Variants in DIP2A observed in about 807,000 individuals in gnomAD.
DIP2A encodes DIP2 acetate--CoA ligase A.
DIP2A carries 85 observed loss-of-function variants against 177.4 expected under a neutral mutation model. That is an observed-to-expected ratio of 0.48 (90% CI 0.40 to 0.57). The LOEUF (loss-of-function observed/expected upper bound fraction) is 0.57. DIP2A is among the 20% of genes least tolerant of loss of function. The probability of loss-of-function intolerance (pLI) is 0.00; values close to 1 mark genes in which losing one functional copy is unlikely to be tolerated. For missense variants in DIP2A, 1,791 were observed against 2,100.2 expected (o/e 0.85, Z 2.88); for synonymous variants, 886 against 881.8 (o/e 1.00, Z -0.08).
chr21:46,472,891 C>A (rs1182529467), intron 1 of DIP2A, among the ~76,000 whole-genome samples: 1 of 152,192 alleles, frequency 6.6e-6, no homozygotes, highest in Non-Finnish European at 1.5e-5. Context: ...TTAGAACTTT[C>A]TGCTACGATG....
chr21:46,542,979 C>T (rs928604119), intron 18 of DIP2A, among the ~76,000 whole-genome samples: 1 of 152,244 alleles, frequency 6.6e-6, no homozygotes, highest in African/African-American at 2.4e-5. Context: ...GAGCCTGGGG[C>T]CAGCTGGTGC....
chr21:46,554,734 G>A, intron 27 of DIP2A, 38 bp downstream of exon 27: 3 of 1,551,248 alleles, frequency 1.9e-6, no homozygotes, highest in Non-Finnish European at 2.6e-6. Flanking sequence ...GTCTGTGAGT[G>A]GGAGGCTGCA....
At chr21:46,564,409 G>T (rs968879844) in intron 35 of DIP2A, among the ~76,000 whole-genome samples, 1 of 152,162 alleles carries the variant, frequency 6.6e-6, no homozygotes, top group Non-Finnish European at 1.5e-5. Context: ...GGAGGGTGCG[G>T]GTCTCCCTGA....
intron 8 of DIP2A, among the ~76,000 whole-genome samples, chr21:46,524,688 G>A (rs1218941243): frequency 6.6e-6 from 1 of 152,042 alleles, no homozygotes; most frequent in Non-Finnish European, 1.5e-5. Context: ...CAGAGCAGCT[G>A]CACCTTTTCT....
intron 8 of DIP2A, 58 bp from the exon 9 acceptor site, chr21:46,529,034 A>C: frequency 8.7e-7 from 1 of 1,155,736 alleles, no homozygotes; most frequent in South Asian, 1.6e-5. Flanking sequence ...TCTACATTAA[A>C]ATGTTAATTA....
intron 18 of DIP2A, among the ~76,000 whole-genome samples, chr21:46,543,275 A>C (rs931559002): frequency 6.6e-6 from 1 of 152,250 alleles, no homozygotes; most frequent in Admixed American, 6.5e-5. Flanking sequence ...GGGAAAATAC[A>C]GGTAAGTGTT....
intron 6 of DIP2A, 140 bp downstream of exon 6, chr21:46,504,629 G>T (rs2057877633): frequency 2.0e-6 from 2 of 1,016,976 alleles, no homozygotes; most frequent in African/African-American, 1.6e-5. Context: ...ATAGAAACCA[G>T]TGTGTGCAGT....
chr21:46,533,808 T>A (rs922281681), intron 11 of DIP2A, among the ~76,000 whole-genome samples, 161 bp downstream of exon 11: 3 of 152,254 alleles, frequency 2.0e-5, no homozygotes, highest in African/African-American at 4.8e-5. Flanking sequence ...TGGCTTCATG[T>A]CTCGACCTGT....
intron 26 of DIP2A, 134 bp downstream of exon 26, chr21:46,554,426 C>T (rs1418110662): frequency 3.9e-6 from 6 of 1,542,630 alleles, no homozygotes; most frequent in Non-Finnish European, 5.3e-6. Context: ...ATGTGTCTGC[C>T]TCCTCAGCTC....
chr21:46,539,134 C>G (rs1601743372), intron 16 of DIP2A: 1 of 101,244 alleles, frequency 9.9e-6, no homozygotes, highest in South Asian at 2.4e-4. Context: ...CACGTGAGCT[C>G]TGGGGCCCAG....
chr21:46,549,968 T>G (rs1236457667), intron 22 of DIP2A, 83 bp downstream of exon 22: 1 of 1,588,986 alleles, frequency 6.3e-7, no homozygotes, highest in Non-Finnish European at 8.5e-7. Flanking sequence ...AGTGGTTGGC[T>G]TGTCCCGCCC....
chr21:46,562,837 A>G (rs532840183), intron 34 of DIP2A, among the ~76,000 whole-genome samples: 1 of 152,258 alleles, frequency 6.6e-6, no homozygotes, highest in African/African-American at 2.4e-5. Context: ...GGGCTGCTGC[A>G]CGTCCTCCCT....
rs1158766248 is a variant in DIP2A at position 46,509,361 on chromosome 21, G to A, written c.889G>A (p.Glu297Lys). 2 of 1,611,824 alleles carry A rather than the reference G, an allele frequency of 1.2e-6. No homozygotes were observed. The highest frequency in any genetic ancestry group is 1.3e-5 in the African/African-American group (1 of 74,832). The change falls in exon 7 of 38, where the codon GAG (glutamate) becomes AAG (lysine). Residue 297 changes from glutamate (E) to lysine (K), a missense_variant. Coordinates refer to ENST00000417564, the MANE Select transcript of DIP2A (RefSeq NM_015151.4). ...GAAGGAGTTCTTTGTGGATGATTTT[G>A]AGGAATTGTTGGAAGGTAAGAGTTG... The part of the protein sequence containing the change: ...PLKEFFVDDF[E>K]ELLEVQQPDP...
intron 16 of DIP2A, 104 bp from the exon 17 acceptor site, chr21:46,539,773 G>A: frequency 1.1e-6 from 1 of 921,236 alleles, no homozygotes; most frequent in Non-Finnish European, 1.8e-6. Context: ...GCAGCCCTGT[G>A]GTTCCGATGG....
At chr21:46,545,741 G>T in intron 19 of DIP2A, 140 bp from the exon 20 acceptor site, 1 of 951,548 alleles carries the variant, frequency 1.1e-6, no homozygotes, top group Non-Finnish European at 1.6e-6. Flanking sequence ...CAGAAACTGG[G>T]CCTATGCAGG....
chr21:46,489,327 A>G (rs1211890026), intron 2 of DIP2A, among the ~76,000 whole-genome samples: 1 of 152,228 alleles, frequency 6.6e-6, no homozygotes, highest in Non-Finnish European at 1.5e-5. Context: ...GTCCCTGTCC[A>G]CAGAGCCAGA....
chr21:46,575,915 A>C, the DIP2A span, among the ~76,000 whole-genome samples: 1 of 152,236 alleles, frequency 6.6e-6, no homozygotes, highest in Admixed American at 6.5e-5. Context: ...TTGATATAGA[A>C]TCTAAAGACA....
At chr21:46,538,378 C>G in intron 15 of DIP2A, 105 bp from the exon 16 acceptor site, 1 of 1,428,876 alleles carries the variant, frequency 7.0e-7, no homozygotes, top group Non-Finnish European at 9.3e-7. Flanking sequence ...TTGTGTCTGT[C>G]TGTGCATGTA....
chr21:46,566,477 C>T, intron 36 of DIP2A, 83 bp from the exon 37 acceptor site: 1 of 1,578,964 alleles, frequency 6.3e-7, no homozygotes, highest in Non-Finnish European at 8.6e-7. Context: ...CCTGAGAGCC[C>T]CTGGTTGGGC....
Sources: gnomAD v4.1 joint callset for allele counts (sites outside exome capture counted in the v4.1 genomes callset) on GRCh38, gnomAD v4.1.1 for gene constraint, MANE v1.5 for transcripts, NCBI Gene and HGNC (gene_info 2026-07-23, HGNC 2026-07-21) for gene names.